EIF4E2: variants seen among roughly 807,000 people sequenced by gnomAD.
EIF4E2 encodes the protein eukaryotic translation initiation factor 4E family member 2.
Under a neutral mutation model 34.2 loss-of-function variants are expected in EIF4E2, and 13 were observed. The ratio of observed to expected loss-of-function variants is 0.38; its 90% CI spans 0.25 to 0.60. The LOEUF (loss-of-function observed/expected upper bound fraction) is 0.60, where lower values mean the gene tolerates loss of function less well. Ranked by LOEUF, EIF4E2 falls within the 20% of genes least tolerant of loss-of-function variation. The pLI is 0.62. For synonymous variants in EIF4E2, 100 were observed against 106.6 expected, an observed-to-expected ratio of 0.94 and a Z score of 0.38; for missense variants, 222 against 315.1, an observed-to-expected ratio of 0.70 and a Z score of 2.24.
Position 232,564,340 on chromosome 2 carries a change from C to T in EIF4E2, c.364C>T (p.Pro122Ser). 1 of 1,579,412 alleles carries T rather than the reference C, an allele frequency of 6.3e-7. No homozygotes were observed. The highest frequency in any genetic ancestry group is 8.6e-7 in the Non-Finnish European group (1 of 1,160,054). ...DFHLFKEGIKPMWEDDANKNG... is the reference protein window; with the variant it reads ...DFHLFKEGIKSMWEDDANKNG... The stretch of plus-strand genomic sequence containing the variant: ...CCATCTCTTCAAAGAAGGAATTAAA[C>T]CCATGTGGGAGGTAAGGACTAATGG... The change falls in exon 4 of 7, where the codon CCC (proline) becomes TCC (serine). Residue 122 changes from proline to serine, a missense_variant. By Grantham distance (74) the Pro-to-Ser change is moderately conservative. Around this residue, in one of 3 missense-constraint regions of EIF4E2, gnomAD observed 105 missense variants for 195.1 expected, o/e 0.54. Coordinates refer to ENST00000258416, the MANE Select transcript of EIF4E2 (RefSeq NM_004846.4).
intron 3 of EIF4E2, among the ~76,000 whole-genome samples, chr2:232,563,228 C>T (rs144258205): frequency 2.0e-5 from 3 of 152,256 alleles, no homozygotes; most frequent in East Asian, 3.9e-4. Flanking sequence ...GTACTTACTA[C>T]GTATCCTCTG....
chr2:232,557,894 C>G lies in EIF4E2; in HGVS notation c.146C>G (p.Pro49Arg). The G allele has an allele frequency of 6.2e-7, 1 of 1,613,450 alleles. No individual in the cohort carries two copies. Among genetic ancestry groups the G allele is most frequent in the Non-Finnish European group, 8.5e-7 (1 of 1,179,860 alleles). Residue 49 changes from proline to arginine, a missense_variant, in exon 3 of 7, where the codon CCT becomes CGT. Around this residue, in one of 3 missense-constraint regions of EIF4E2, gnomAD observed 87 missense variants for 93.6 expected, o/e 0.93. Coordinates refer to ENST00000258416, the MANE Select transcript of EIF4E2 (RefSeq NM_004846.4). The stretch of plus-strand genomic sequence containing the variant: ...TTCTTTACTTCCCAGGCTGTTGTCC[C>G]TGGACCGGCAGAGCATCCCCTGCAG... ...QSSSKRKAVV[P>R]GPAEHPLQYN...
At chr2:232,565,342 C>T (rs1692882868) in intron 4 of EIF4E2, among the ~76,000 whole-genome samples, 1 of 152,166 alleles carries the variant, frequency 6.6e-6, no homozygotes, top group Admixed American at 6.5e-5. Flanking sequence ...GACCTTAAGA[C>T]CCACTTCTTG....
At chr2:232,568,521 C>A (rs1466867967) in intron 6 of EIF4E2, 5 of 945,468 alleles carry the variant, frequency 5.3e-6, no homozygotes, top group Middle Eastern at 5.5e-4. Flanking sequence ...TCAGTCCAGG[C>A]TGGAGAGATC....
exon 7 of EIF4E2, chr2:232,582,546 A>T (rs528437720): frequency 6.6e-6 from 1 of 152,362 alleles, no homozygotes; most frequent in South Asian, 2.1e-4. Flanking sequence ...ACAGTTGTGA[A>T]GGGCTCGGCA....
chr2:232,573,098 AG>A (rs1327498471), downstream of EIF4E2, among the ~76,000 whole-genome samples: 1 of 152,244 alleles, frequency 6.6e-6, no homozygotes, highest in Non-Finnish European at 1.5e-5. Flanking sequence ...GCTCTGAAAC[AG>A]GTGTCTTGCT....
At chr2:232,570,836 C>T (rs1693074119), downstream of EIF4E2, among the ~76,000 whole-genome samples, 1 of 152,190 alleles carries the variant, frequency 6.6e-6, no homozygotes, top group African/African-American at 2.4e-5. Context: ...CTCGGGGAGG[C>T]TGAGGCAGGA....
intron 4 of EIF4E2, among the ~76,000 whole-genome samples, chr2:232,565,166 C>T (rs1692877300): frequency 1.3e-5 from 2 of 152,246 alleles, no homozygotes; most frequent in Admixed American, 6.5e-5. Context: ...TACAGCTCCT[C>T]ATTGCTCACA....
At chr2:232,571,195 C>T (rs1353069191), downstream of EIF4E2, among the ~76,000 whole-genome samples, 2 of 152,204 alleles carry the variant, frequency 1.3e-5, no homozygotes, top group Non-Finnish European at 2.9e-5. Flanking sequence ...CAGTGTGCTA[C>T]AAGGCACTGC....
At chr2:232,576,997 T>G (rs997522067) in intron 6 of EIF4E2, among the ~76,000 whole-genome samples, 4 of 152,276 alleles carry the variant, frequency 2.6e-5, no homozygotes, top group Admixed American at 2.6e-4. Flanking sequence ...ATTTGACTCC[T>G]GTTGGAAATA....
At chr2:232,550,833 G>A in intron 1 of EIF4E2, 89 bp downstream of exon 1, 2 of 1,269,430 alleles carry the variant, frequency 1.6e-6, no homozygotes, top group Non-Finnish European at 2.1e-6. Context: ...CGCAAACCCT[G>A]CGGCACCGGC....
At chr2:232,563,963 G>T (rs552991589) in intron 3 of EIF4E2, among the ~76,000 whole-genome samples, 1 of 152,240 alleles carries the variant, frequency 6.6e-6, no homozygotes, top group East Asian at 1.9e-4. Context: ...GTATTAACAT[G>T]GTTTCACCAA....
chr2:232,557,169 C>T (rs1190443), intron 2 of EIF4E2, among the ~76,000 whole-genome samples: 44,221 of 152,106 alleles, frequency 0.29, 6,796 homozygotes, highest in Admixed American at 0.41. Flanking sequence ...CGCTTGAACC[C>T]AGGAGGCAGA....
intron 6 of EIF4E2, among the ~76,000 whole-genome samples, chr2:232,575,973 A>G (rs927946975): frequency 1.3e-5 from 2 of 152,154 alleles, no homozygotes; most frequent in African/African-American, 4.8e-5. Flanking sequence ...TGGGAGGCCA[A>G]GGCGGGCAGA....
intron 6 of EIF4E2, chr2:232,568,178 A>T (rs942392890): frequency 1.0e-6 from 1 of 985,356 alleles, no homozygotes. Context: ...TAAGAATATC[A>T]TCATGTTGTT....
chr2:232,580,852 A>G (rs929182905), intron 6 of EIF4E2: 13 of 1,481,704 alleles, frequency 8.8e-6, no homozygotes, highest in African/African-American at 1.4e-5. Flanking sequence ...GTGCTTCTGT[A>G]TAGATGATCC....
intron 6 of EIF4E2, among the ~76,000 whole-genome samples, chr2:232,578,325 A>G (rs1293299901): frequency 6.6e-6 from 1 of 152,196 alleles, no homozygotes; most frequent in Non-Finnish European, 1.5e-5. Context: ...GGTCTATATT[A>G]ACAAAAATAT....
Position 232,568,982 on chromosome 2 carries a change from C to T in EIF4E2, c.703C>T (p.Gln235Ter), listed in dbSNP as rs1218655810. The change falls in exon 7 of 7, where the codon CAA (glutamine) becomes TAA (stop). Residue 235 changes from glutamine (Q) to a stop codon, truncating the protein, a stop_gained. Coordinates refer to ENST00000258416, the MANE Select transcript of EIF4E2 (RefSeq NM_004846.4). LOFTEE classifies it high-confidence loss of function. Reference protein sequence around the residue: ...GRLGPQRLLFQNLWKPRLNVP With the variant: ...GRLGPQRLLF ...GCTGGGCCCCCAAAGGCTCCTTTTT[C>T]AAAACCTCTGGAAGCCGCGGTTGAA... 4 of 1,614,190 alleles carry T rather than the reference C, an allele frequency of 2.5e-6. No individual in the cohort carries two copies. The highest frequency in any genetic ancestry group is 8.5e-7 in the Non-Finnish European group (1 of 1,180,022).
rs1693023520 is a variant in EIF4E2, at chr2:232,568,939, C to T, written c.666-6C>T. 6.2e-7 allele frequency: 1 copy of T among 1,614,076 alleles called. No homozygotes were observed. The highest frequency in any genetic ancestry group is 1.3e-5 in the African/African-American group (1 of 74,948). ...CCAATGAGCCAACCTTTTGCACTTC[C>T]ACTAGAATGCCAGGCAGGCTGGGCC... On this transcript the variant is annotated splice_polypyrimidine_tract_variant and splice_region_variant and intron_variant, in intron 6 of 6. Transcript: ENST00000258416.
Sources: gnomAD v4.1 joint callset for allele counts (sites outside exome capture counted in the v4.1 genomes callset) on GRCh38, gnomAD v4.1.1 for gene constraint, gnomAD v4.1.1 regional missense constraint, MANE v1.5 for transcripts, NCBI Gene and HGNC (gene_info 2026-07-23, HGNC 2026-07-21) for gene names.